The following CFAP43 variants were observed in gnomAD, a reference collection of about 807,000 sequenced individuals.
CFAP43 encodes cilia and flagella associated protein 43.
Under a neutral mutation model 218.9 loss-of-function variants are expected in CFAP43, and 155 were observed. The observed-to-expected ratio is 0.71, with a 90% CI of 0.62 to 0.81. CFAP43 has a LOEUF of 0.81. Among genes scored for constraint, CFAP43 ranks in the 30% least tolerant of loss-of-function variants. CFAP43 has a pLI of 0.00. For synonymous variants in CFAP43, 645 were observed against 681.3 expected, an observed-to-expected ratio of 0.95 and a Z score of 0.83; for missense variants, 1,778 against 1,954.3, an observed-to-expected ratio of 0.91 and a Z score of 1.70.
chr10:104,162,323 C>T lies in CFAP43; in HGVS notation c.3327G>A (p.Leu1109=). 6.2e-7 allele frequency: 1 copy of T among 1,613,950 alleles called. No individual in the cohort carries two copies. The highest frequency in any genetic ancestry group is 1.3e-5 in the African/African-American group (1 of 75,044). Residue 1109 remains leucine (L), a synonymous_variant, in exon 25 of 38, where the codon CTG becomes CTA. Coordinates refer to ENST00000357060, the MANE Select transcript of CFAP43 (RefSeq NM_025145.7). ...GTTAAGCAAAGCTACATGCCTGTAT[C>T]AGAAGCCAGTGCTCCTTTTCATGAT... ...IVNHEKEHWL[L]IQDASTRLRA... is the part of the protein sequence containing the mutation.
chr10:104,208,226 GT>G (rs922685535), intron 5 of CFAP43, among the ~76,000 whole-genome samples: 24 of 152,074 alleles, frequency 1.6e-4, no homozygotes, highest in African/African-American at 4.6e-4. Context: ...AGTTTCCTGA[GT>G]TTTTTTTATG....
At chr10:104,181,925 T>C (rs1284696346) in intron 17 of CFAP43, among the ~76,000 whole-genome samples, 2 of 152,234 alleles carry the variant, frequency 1.3e-5, no homozygotes, top group East Asian at 1.9e-4. Context: ...GTAAACTCCA[T>C]GGAAGCAGAA....
intron 28 of CFAP43, among the ~76,000 whole-genome samples, chr10:104,150,014 T>C (rs995262610): frequency 2.6e-5 from 4 of 152,222 alleles, no homozygotes; most frequent in African/African-American, 9.6e-5. Flanking sequence ...TTAGAAACTA[T>C]ATGATTCCAC....
chr10:104,164,313 CAT>C lies in CFAP43; in HGVS notation c.3040-15_3040-14del, dbSNP rs766359169. 17 of 1,531,380 alleles carry C rather than the reference CAT, an allele frequency of 1.1e-5. No homozygotes were observed. Among genetic ancestry groups the C allele is most frequent in the East Asian group, 6.9e-5 (3 of 43,540 alleles). 94.9% of individuals were successfully genotyped at this position (1,531,380 alleles called of 1,614,324 possible). A position where few individuals can be genotyped will look rare whatever the true frequency, so the allele number is the denominator to read the frequency against. On this transcript the variant is annotated splice_polypyrimidine_tract_variant and intron_variant, in intron 23 of 37. Transcript: ENST00000357060. ...TGTAAATGATATCCTGAAATATTAA[CAT>C]GTTACTGAAAACACATCACATATTA...
intron 16 of CFAP43, among the ~76,000 whole-genome samples, chr10:104,184,165 G>C (rs2089952942): frequency 6.6e-6 from 1 of 152,158 alleles, no homozygotes; most frequent in African/African-American, 2.4e-5. Flanking sequence ...AGTCTCACAG[G>C]CTGGATGTTC....
chr10:104,197,018 A>G (rs584309), intron 9 of CFAP43, 85 bp from the exon 10 acceptor site: 419,325 of 1,003,084 alleles, frequency 0.42, 91,644 homozygotes, highest in African/African-American at 0.66. Context: ...CCAGTGTGCC[A>G]ATGATTTAGT....
intron 2 of CFAP43, 51 bp downstream of exon 2, chr10:104,230,539 C>A: frequency 2.6e-6 from 4 of 1,564,604 alleles, no homozygotes; most frequent in Non-Finnish European, 3.5e-6. Flanking sequence ...TTAGTCAACT[C>A]TTTAAACAAA....
intron 3 of CFAP43, 95 bp downstream of exon 3, chr10:104,225,366 C>T (rs1564818842): frequency 1.0e-6 from 1 of 984,854 alleles, no homozygotes; most frequent in East Asian, 2.9e-5. Flanking sequence ...TTCCTTGTTT[C>T]AGATTTTTCA....
Position 104,132,204 on chromosome 10 carries a change from A to G in CFAP43, c.4597-8T>C. The G allele has an allele frequency of 6.4e-7, 1 of 1,564,116 alleles. No homozygotes were observed. Among genetic ancestry groups the G allele is most frequent in the South Asian group, 1.2e-5 (1 of 83,378 alleles). ...GTTTGGTTCATTTAGGTACTTTGAG[A>G]TTAAAAAAAAACATGTAAGGATATT... On this transcript the variant is annotated splice_region_variant and splice_polypyrimidine_tract_variant and intron_variant, in intron 35 of 37. Coordinates refer to ENST00000357060, the MANE Select transcript of CFAP43 (RefSeq NM_025145.7).
At chr10:104,182,998 T>C (rs907354108) in intron 16 of CFAP43, among the ~76,000 whole-genome samples, 3 of 152,146 alleles carry the variant, frequency 2.0e-5, no homozygotes, top group East Asian at 1.9e-4. Flanking sequence ...ATGCCCTCTG[T>C]ACCTGCCCTG....
At chr10:104,183,482 C>T (rs901676230) in intron 16 of CFAP43, among the ~76,000 whole-genome samples, 14 of 151,848 alleles carry the variant, frequency 9.2e-5, no homozygotes, top group Non-Finnish European at 1.3e-4. Context: ...CTCCGCTTCC[C>T]GGGTTCACGC....
chr10:104,152,734 G>T lies in CFAP43; in HGVS notation c.3541-8C>A, dbSNP rs1319292082. ...CAGTTCTGCTTCTAATGACTAAAAGGAAAACAATAGTAAAGTTAACGTTTA... is the reference window on the plus strand; with the variant it reads ...CAGTTCTGCTTCTAATGACTAAAAGTAAAACAATAGTAAAGTTAACGTTTA... On this transcript the variant is annotated splice_polypyrimidine_tract_variant and splice_region_variant and intron_variant, in intron 27 of 37. Coordinates refer to ENST00000357060, the MANE Select transcript of CFAP43 (RefSeq NM_025145.7). The T allele has an allele frequency of 8.1e-6, 13 of 1,603,882 alleles. No homozygotes were observed. The highest frequency in any genetic ancestry group is 1.1e-5 in the Non-Finnish European group (13 of 1,177,436).
At chr10:104,223,959 AC>A (rs1235189196) in intron 3 of CFAP43, among the ~76,000 whole-genome samples, 2 of 152,210 alleles carry the variant, frequency 1.3e-5, no homozygotes, top group East Asian at 3.9e-4. Flanking sequence ...GAAAATGCAA[AC>A]TAGAGTGACA....
chr10:104,228,238 A>C (rs895960356), intron 2 of CFAP43, among the ~76,000 whole-genome samples: 1 of 152,066 alleles, frequency 6.6e-6, no homozygotes, highest in Non-Finnish European at 1.5e-5. Context: ...TACTTTTGTT[A>C]AAATATGCAG....
intron 19 of CFAP43, 111 bp downstream of exon 19, chr10:104,178,918 A>G (rs1277608411): frequency 4.4e-6 from 3 of 682,738 alleles, no homozygotes; most frequent in Non-Finnish European, 7.0e-6. Flanking sequence ...AACTGAGCTT[A>G]CAAGCAGAGA....
At chr10:104,217,545 G>A (rs1026876928) in intron 3 of CFAP43, among the ~76,000 whole-genome samples, 2 of 152,232 alleles carry the variant, frequency 1.3e-5, no homozygotes, top group Non-Finnish European at 2.9e-5. Context: ...CCATGTCTTT[G>A]CTAGTAGAGC....
chr10:104,133,627 C>T lies in CFAP43; in HGVS notation c.4589G>A (p.Arg1530His), dbSNP rs745413621. ...DIQMLFFSRDRQKYLNEPNYE... is the reference protein window; with the variant it reads ...DIQMLFFSRDHQKYLNEPNYE... Reference sequence around the variant, plus strand: ...GGGGTAGGGAGAATTTACCTTTTGACGATCTCTTGAAAAAAATAGCATCTG... The same window carrying T: ...GGGGTAGGGAGAATTTACCTTTTGATGATCTCTTGAAAAAAATAGCATCTG... Residue 1530 changes from arginine (R) to histidine (H), a missense_variant, in exon 35 of 38, where the codon CGT becomes CAT. Around this residue, in one of 3 missense-constraint regions of CFAP43, gnomAD observed 211 missense variants for 230.6 expected, o/e 0.91. Transcript: ENST00000357060. The T allele has an allele frequency of 4.5e-5, 73 of 1,610,048 alleles. 1 individual carries two copies. Among genetic ancestry groups the T allele is most frequent in the Middle Eastern group, 1.6e-4 (1 of 6,066 alleles).
At chr10:104,207,848 G>C (rs1274328590) in intron 5 of CFAP43, 24 bp from the exon 6 acceptor site, 4 of 1,586,374 alleles carry the variant, frequency 2.5e-6, no homozygotes, top group Non-Finnish European at 3.4e-6. Flanking sequence ...ATAAAACCTT[G>C]TGTTAAGAAA....
intron 16 of CFAP43, among the ~76,000 whole-genome samples, chr10:104,183,328 G>A (rs1201835082): frequency 6.6e-6 from 1 of 151,222 alleles, no homozygotes; most frequent in Non-Finnish European, 1.5e-5. Context: ...TGTAACAGAT[G>A]ATTTAGAGGG....
Sources: allele counts gnomAD v4.1 joint callset (sites outside exome capture counted in the v4.1 genomes callset), GRCh38; gene constraint gnomAD v4.1.1; regional missense constraint gnomAD v4.1.1; transcripts MANE v1.5; gene names NCBI Gene and HGNC (gene_info 2026-07-23, HGNC 2026-07-21).